The following TMEM132D variants were observed in gnomAD, a reference collection of about 807,000 sequenced individuals.
TMEM132D encodes the protein mature OL transmembrane protein.
In TMEM132D, 21 loss-of-function variants were observed where a neutral mutation model predicts 62.3. That is an observed-to-expected ratio of 0.34 (90% CI 0.24 to 0.49). The LOEUF (loss-of-function observed/expected upper bound fraction) is 0.49, where lower values mean the gene tolerates loss of function less well. Among genes scored for constraint, TMEM132D ranks in the 20% least tolerant of loss-of-function variants. The pLI is 0.99. For missense variants in TMEM132D, 1,346 were observed against 1,402.8 expected (o/e 0.96, Z 0.65); for synonymous variants, 621 against 575.6 (o/e 1.08, Z -1.13).
chr12:129,717,432 G>T (rs1727193619), intron 1 of TMEM132D, among the ~76,000 whole-genome samples: 1 of 151,398 alleles, frequency 6.6e-6, no homozygotes, highest in African/African-American at 2.4e-5. Context: ...GTAAAAACTG[G>T]CAGAAAATCT....
In TMEM132D at chr12:129,073,920, G is replaced by A. The variant is rs764238814; in HGVS notation, c.3255C>T (p.Cys1085=). 3.2e-6 allele frequency: 5 copies of A among 1,580,042 alleles called. No homozygotes were observed. Among genetic ancestry groups the A allele is most frequent in the Admixed American group, 1.8e-5 (1 of 54,098 alleles). ...WVCQDLDPGD[C]KELHNYMERL... ...TCTCCATGTAGTTGTGCAGCTCTTT[G>A]CAGTCCCCAGGGTCCAGATCCTGGC... The change falls in exon 9 of 9, where the codon TGC becomes TGT. Residue 1085 remains cysteine, a synonymous_variant. Coordinates refer to ENST00000422113, the MANE Select transcript of TMEM132D (RefSeq NM_133448.3).
At chr12:129,366,325 C>A (rs1001839633) in intron 3 of TMEM132D, among the ~76,000 whole-genome samples, 11 of 152,072 alleles carry the variant, frequency 7.2e-5, no homozygotes, top group Non-Finnish European at 1.6e-4. Context: ...TAGAACCATC[C>A]CCTTGGCACT....
intron 5 of TMEM132D, among the ~76,000 whole-genome samples, chr12:129,146,206 A>G (rs7309864): frequency 0.56 from 85,056 of 151,876 alleles, 24,838 homozygotes; most frequent in African/African-American, 0.73. Flanking sequence ...CTGCATAACT[A>G]AAACTCTCTC....
intron 3 of TMEM132D, among the ~76,000 whole-genome samples, chr12:129,479,715 G>A (rs72486301): frequency 0.038 from 5,829 of 152,046 alleles, 253 homozygotes; most frequent in East Asian, 0.22. Flanking sequence ...GTTTAAGGGA[G>A]GAGTGAAGAA....
At chr12:129,740,135 C>T (rs1158322217) in intron 1 of TMEM132D, among the ~76,000 whole-genome samples, 1 of 152,152 alleles carries the variant, frequency 6.6e-6, no homozygotes, top group Non-Finnish European at 1.5e-5. Flanking sequence ...ACCACTCCTG[C>T]TACCCTGGGG....
chr12:129,129,358 T>A (rs909413008), intron 5 of TMEM132D, among the ~76,000 whole-genome samples: 1 of 152,242 alleles, frequency 6.6e-6, no homozygotes, highest in African/African-American at 2.4e-5. Flanking sequence ...TATTCCATGG[T>A]ATATGTACCA....
chr12:129,444,127 C>G (rs574598470), intron 3 of TMEM132D, among the ~76,000 whole-genome samples: 4 of 152,106 alleles, frequency 2.6e-5, no homozygotes, highest in Non-Finnish European at 5.9e-5. Context: ...GGATGAAAGA[C>G]TTAAATGTAA....
intron 3 of TMEM132D, among the ~76,000 whole-genome samples, chr12:129,496,670 T>A (rs1874967007): frequency 6.7e-6 from 1 of 150,208 alleles, no homozygotes; most frequent in African/African-American, 2.4e-5. Flanking sequence ...CAACTTACAT[T>A]AAAAAAAAAA....
At chr12:129,241,885 T>C (rs75099751) in intron 4 of TMEM132D, among the ~76,000 whole-genome samples, 2,595 of 152,252 alleles carry the variant, frequency 0.017, 40 homozygotes, top group Middle Eastern at 0.037. Flanking sequence ...ACATATTAGG[T>C]GTCCATAATT....
chr12:129,137,967 T>C (rs1318118266), intron 5 of TMEM132D, among the ~76,000 whole-genome samples: 1 of 152,192 alleles, frequency 6.6e-6, no homozygotes, highest in African/African-American at 2.4e-5. Context: ...TGGTGCTTAC[T>C]GAGGCTTAAA....
At chr12:129,244,209 C>T (rs934393370) in intron 4 of TMEM132D, among the ~76,000 whole-genome samples, 73 of 142,076 alleles carry the variant, frequency 5.1e-4, no homozygotes, top group African/African-American at 1.7e-3. Context: ...CGCGGTGAAA[C>T]CCCGTCTCTA....
chr12:129,875,039 A>T (rs1874372577), intron 1 of TMEM132D, among the ~76,000 whole-genome samples: 1 of 152,238 alleles, frequency 6.6e-6, no homozygotes, highest in Non-Finnish European at 1.5e-5. Flanking sequence ...CACATATAAA[A>T]AGCATGTGTA....
intron 5 of TMEM132D, among the ~76,000 whole-genome samples, chr12:129,129,859 G>A (rs1876320835): frequency 6.6e-6 from 1 of 152,052 alleles, no homozygotes; most frequent in Non-Finnish European, 1.5e-5. Flanking sequence ...GTCCTCAGCA[G>A]GATCAGGTCC....
intron 3 of TMEM132D, among the ~76,000 whole-genome samples, chr12:129,341,980 C>T (rs1243806167): frequency 1.3e-5 from 2 of 152,108 alleles, no homozygotes; most frequent in African/African-American, 4.8e-5. Context: ...GAATCAATAT[C>T]GTGAAAATGG....
In TMEM132D at chr12:129,115,382, C is replaced by T. The variant is rs570935547; in HGVS notation, c.1444-30680G>A. ...TGGGAGAGTGTCTCTATCAAGACCCCAGGATGTGATGAAATCTTTGGGATG... is the reference window on the plus strand; with the variant it reads ...TGGGAGAGTGTCTCTATCAAGACCCTAGGATGTGATGAAATCTTTGGGATG... On this transcript the variant is annotated intron_variant, in intron 5 of 8. Transcript: ENST00000422113. Among the ~76,000 whole-genome samples the T allele has an allele frequency of 2.0e-5, 3 of 152,202 alleles. No homozygotes were observed. In the South Asian group the frequency reaches 6.2e-4, roughly 32 times the overall value.
chr12:129,621,627 G>T (rs1182038166), intron 2 of TMEM132D, among the ~76,000 whole-genome samples: 1 of 152,224 alleles, frequency 6.6e-6, no homozygotes, highest in Admixed American at 6.5e-5. Context: ...GCTAGAGAGT[G>T]AGGCAGGTGG....
At chr12:129,632,197 C>T (rs529164364) in intron 2 of TMEM132D, among the ~76,000 whole-genome samples, 3 of 152,136 alleles carry the variant, frequency 2.0e-5, no homozygotes, top group African/African-American at 4.8e-5. Context: ...TATATGTAAG[C>T]GGAGAAGCTG....
chr12:129,643,265 A>T (rs1000422516), intron 2 of TMEM132D, among the ~76,000 whole-genome samples: 5 of 152,230 alleles, frequency 3.3e-5, no homozygotes, highest in African/African-American at 1.2e-4. Context: ...TCCAGGCTTC[A>T]ACTTCACCTA....
At chr12:129,448,254 T>C (rs1282567085) in intron 3 of TMEM132D, among the ~76,000 whole-genome samples, 2 of 152,308 alleles carry the variant, frequency 1.3e-5, no homozygotes, top group East Asian at 1.9e-4. Context: ...ATGGGGTATA[T>C]GTGCAGGTTC....
Sources: allele counts gnomAD v4.1 joint callset (sites outside exome capture counted in the v4.1 genomes callset), GRCh38; gene constraint gnomAD v4.1.1; transcripts MANE v1.5; gene names NCBI Gene and HGNC (gene_info 2026-07-23, HGNC 2026-07-21).